The following ANKRD44 variants were observed in gnomAD, a reference collection of about 807,000 sequenced individuals.
The protein encoded by ANKRD44 is ankyrin repeat domain 44.
In ANKRD44, 35 loss-of-function variants were observed where a neutral mutation model predicts 116.0. That is an observed-to-expected ratio of 0.30 (90% CI 0.23 to 0.40). The LOEUF is 0.40. Ranked by LOEUF, ANKRD44 falls within the 10% of genes least tolerant of loss-of-function variation. The probability of loss-of-function intolerance (pLI) is 1.00; values close to 1 mark genes in which losing one functional copy is unlikely to be tolerated. For missense variants in ANKRD44, 1,014 were observed against 1,242.6 expected (o/e 0.82, Z 2.77); for synonymous variants, 435 against 461.8 (o/e 0.94, Z 0.74).
intron 9 of ANKRD44, among the ~76,000 whole-genome samples, chr2:197,108,433 A>T (rs1296089954): frequency 1.3e-5 from 2 of 152,154 alleles, no homozygotes; most frequent in African/African-American, 4.8e-5. Context: ...GACCCCACCC[A>T]ATCCATAAGC....
intron 16 of ANKRD44, 116 bp downstream of exon 16, chr2:197,078,586 TG>T: frequency 1.3e-6 from 2 of 1,531,796 alleles, no homozygotes; most frequent in Non-Finnish European, 1.8e-6. Flanking sequence ...TCCTGATTCA[TG>T]GACCCACTTT....
chr2:197,187,757 C>T (rs889496973), intron 1 of ANKRD44, among the ~76,000 whole-genome samples: 2 of 151,804 alleles, frequency 1.3e-5, no homozygotes, highest in South Asian at 2.1e-4. Context: ...AAAACGTGGC[C>T]GTTGGTAAGC....
At chr2:197,209,444 A>T (rs2125690592) in intron 1 of ANKRD44, among the ~76,000 whole-genome samples, 1 of 152,294 alleles carries the variant, frequency 6.6e-6, no homozygotes, top group South Asian at 2.1e-4. Flanking sequence ...CCTGACAAAT[A>T]TGTAGTCAGA....
At chr2:197,130,875 T>C (rs2079079273) in intron 4 of ANKRD44, among the ~76,000 whole-genome samples, 1 of 152,240 alleles carries the variant, frequency 6.6e-6, no homozygotes, top group Non-Finnish European at 1.5e-5. Context: ...GGGAAAGATC[T>C]GTATACCAGT....
chr2:197,166,883 C>T (rs1307590290), intron 2 of ANKRD44, among the ~76,000 whole-genome samples: 5 of 152,170 alleles, frequency 3.3e-5, no homozygotes, highest in African/African-American at 1.2e-4. Context: ...ATTTAGGAAC[C>T]AAATATTTTC....
In ANKRD44 at chr2:196,987,013, G is replaced by T; in HGVS notation, c.*2578C>A. 1.0e-6 allele frequency: 1 copy of T among 985,238 alleles called. No individual in the cohort carries two copies. The highest frequency in any genetic ancestry group is 1.2e-6 in the Non-Finnish European group (1 of 829,788). The allele number at this position is 985,238 out of a possible 1,614,324, so 61.0% of individuals were successfully genotyped here. On this transcript the variant is annotated 3_prime_UTR_variant, in exon 28 of 28. Coordinates refer to ENST00000282272, the MANE Select transcript of ANKRD44 (RefSeq NM_001195144.2). ...GATTTGTATCATCGTGCTTTACAAAGATATATTGCACATGCTAGAGCATAA... is the reference window on the plus strand; with the variant it reads ...GATTTGTATCATCGTGCTTTACAAATATATATTGCACATGCTAGAGCATAA...
chr2:197,214,206 A>C (rs867272742), intron 1 of ANKRD44, among the ~76,000 whole-genome samples: 14 of 152,196 alleles, frequency 9.2e-5, no homozygotes, highest in East Asian at 1.9e-4. Context: ...TAGAAAAAAA[A>C]CCAAAAGCTT....
In ANKRD44 at chr2:197,142,750, G is replaced by A. The variant is rs116374541; in HGVS notation, c.190+4277C>T. 2.5e-3 allele frequency among the ~76,000 whole-genome samples: 379 copies of A among 152,212 alleles called. 3 individuals are homozygous for A. Among genetic ancestry groups the A allele is most frequent in the African/African-American group, 8.9e-3 (369 of 41,524 alleles). Reference sequence around the variant, plus strand: ...ATGCATAAGGAATCAAAAGAATGATGTGCCCCCAGCTCTGGAAATAATTTG... The same window carrying A: ...ATGCATAAGGAATCAAAAGAATGATATGCCCCCAGCTCTGGAAATAATTTG... On this transcript the variant is annotated intron_variant, in intron 3 of 27. Transcript: ENST00000282272.
intron 1 of ANKRD44, among the ~76,000 whole-genome samples, chr2:197,198,718 G>A (rs1296315541): frequency 2.6e-5 from 4 of 152,140 alleles, no homozygotes; most frequent in African/African-American, 2.4e-5. Flanking sequence ...GCTTGAGCCC[G>A]GGAGGTGGAG....
At position 196,987,192 on chromosome 2, in the gene ANKRD44, G is replaced by A. The variant is rs961472400; in HGVS notation, c.*2399C>T. On this transcript the variant is annotated 3_prime_UTR_variant, in exon 28 of 28. Transcript: ENST00000282272. The stretch of plus-strand genomic sequence containing the variant: ...ATACTGACCTATGGTTTATAGTTTC[G>A]TAAGACGAAAGCATTTTAGCACTGC... 2.3e-5 allele frequency: 23 copies of A among 985,162 alleles called. 1 individual carries two copies. The South Asian group carries it at 7.5e-4, about 32-fold the overall frequency. The allele number at this position is 985,162 out of a possible 1,614,324, so 61.0% of individuals were successfully genotyped here. A position where few individuals can be genotyped will look rare whatever the true frequency, so the allele number is the denominator to read the frequency against.
chr2:197,081,745 G>GAA lies in ANKRD44; in HGVS notation c.1458-22_1458-21dup. On this transcript the variant is annotated intron_variant, in intron 14 of 27. Transcript: ENST00000282272. ...GTCTTACTTCTCAGCATAAAGGATA[G>GAA]AAAAAAAAATTGCAATTAATTTTTT... is the stretch of plus-strand genomic sequence containing the variant. The GAA allele has an allele frequency of 1.3e-6, 2 of 1,574,702 alleles. No individual in the cohort carries two copies. Among genetic ancestry groups the GAA allele is most frequent in the South Asian group, 2.3e-5 (2 of 86,202 alleles).
chr2:197,071,301 G>A (rs1409981316), intron 16 of ANKRD44, among the ~76,000 whole-genome samples: 1 of 152,106 alleles, frequency 6.6e-6, no homozygotes, highest in Non-Finnish European at 1.5e-5. Flanking sequence ...ACTGACTTGA[G>A]ACTTTCCTCT....
intron 23 of ANKRD44, among the ~76,000 whole-genome samples, chr2:196,999,467 C>A (rs1343246127): frequency 6.6e-6 from 1 of 152,078 alleles, no homozygotes; most frequent in East Asian, 1.9e-4. Context: ...GATAATTTGG[C>A]ATTATTTATC....
At chr2:197,041,056 T>A (rs1001955746) in intron 16 of ANKRD44, among the ~76,000 whole-genome samples, 17 of 152,230 alleles carry the variant, frequency 1.1e-4, no homozygotes, top group African/African-American at 3.9e-4. Flanking sequence ...TGGAAATGCC[T>A]ATAAAAGTCT....
At chr2:197,258,782 T>C (rs1007368537) in intron 1 of ANKRD44, among the ~76,000 whole-genome samples, 1 of 152,232 alleles carries the variant, frequency 6.6e-6, no homozygotes. Context: ...GTCACACTGA[T>C]GAGTATGAAG....
chr2:197,166,661 G>A (rs574230557), intron 2 of ANKRD44, among the ~76,000 whole-genome samples: 22 of 41,452 alleles, frequency 5.3e-4, no homozygotes, highest in African/African-American at 9.0e-4. Flanking sequence ...CATGGATTAT[G>A]CTCAGAATGG....
intron 16 of ANKRD44, among the ~76,000 whole-genome samples, chr2:197,066,660 A>C (rs1282459323): frequency 6.6e-6 from 1 of 152,204 alleles, no homozygotes; most frequent in Non-Finnish European, 1.5e-5. Context: ...ACAAACAGAG[A>C]GCCAAATCAT....
chr2:197,248,396 C>A (rs2082239287), intron 1 of ANKRD44, among the ~76,000 whole-genome samples: 1 of 151,910 alleles, frequency 6.6e-6, no homozygotes, highest in African/African-American at 2.4e-5. Flanking sequence ...CTGGCCCACA[C>A]TACAGATTTG....
chr2:197,121,589 G>C (rs751608117), intron 7 of ANKRD44, 45 bp from the exon 8 acceptor site: 3 of 1,521,196 alleles, frequency 2.0e-6, no homozygotes, highest in Non-Finnish European at 2.7e-6. Context: ...ATTAGAGCCA[G>C]TTTACTCCAT....
Sources: gnomAD v4.1 joint callset for allele counts (sites outside exome capture counted in the v4.1 genomes callset) on GRCh38, gnomAD v4.1.1 for gene constraint, MANE v1.5 for transcripts, NCBI Gene and HGNC (gene_info 2026-07-23, HGNC 2026-07-21) for gene names.